TRPM7: variants seen among roughly 807,000 people sequenced by gnomAD.
The protein encoded by TRPM7 is transient receptor potential cation channel subfamily M member 7, also known as LTRPC ion channel family member 7.
A neutral mutation model predicts 229.7 loss-of-function variants in TRPM7; 134 were observed. The ratio of observed to expected loss-of-function variants is 0.58; its 90% confidence interval spans 0.51 to 0.67. TRPM7 has a LOEUF of 0.67. Ranked by LOEUF, TRPM7 falls within the 30% of genes least tolerant of loss-of-function variation. The pLI is 0.00. For synonymous variants in TRPM7, 699 were observed against 715.2 expected (o/e 0.98, Z 0.36); for missense variants, 1,901 against 2,210.0 (o/e 0.86, Z 2.80).
chr15:50,573,379 T>C (rs771437275), intron 36 of TRPM7, among the ~76,000 whole-genome samples: 30 of 152,318 alleles, frequency 2.0e-4, no homozygotes, highest in African/African-American at 3.1e-4. Flanking sequence ...TAGCTAGCCA[T>C]GTAGACAGAG....
At chr15:50,628,777 A>C (rs1194336543) in intron 10 of TRPM7, among the ~76,000 whole-genome samples, 1 of 152,250 alleles carries the variant, frequency 6.6e-6, no homozygotes, top group Non-Finnish European at 1.5e-5. Flanking sequence ...AGAAATGCAG[A>C]AAAATGAGAA....
chr15:50,648,351 TTAAA>T (rs1294535435), intron 4 of TRPM7, among the ~76,000 whole-genome samples: 1 of 151,854 alleles, frequency 6.6e-6, no homozygotes, highest in Non-Finnish European at 1.5e-5. Flanking sequence ...AAATTTAAAC[TTAAA>T]TACACAGCAG....
intron 1 of TRPM7, among the ~76,000 whole-genome samples, chr15:50,668,446 C>A (rs887474603): frequency 2.6e-5 from 4 of 152,124 alleles, no homozygotes; most frequent in African/African-American, 9.7e-5. Context: ...TTTCTCTCTA[C>A]CCCATTTCTC....
chr15:50,643,161 G>A (rs1167898282), intron 5 of TRPM7, among the ~76,000 whole-genome samples, 179 bp downstream of exon 5: 1 of 151,976 alleles, frequency 6.6e-6, no homozygotes, highest in Non-Finnish European at 1.5e-5. Context: ...TGGTGGCGCA[G>A]GCCTGTAATC....
At chr15:50,598,908 G>C (rs2059701516) in intron 22 of TRPM7, among the ~76,000 whole-genome samples, 1 of 152,112 alleles carries the variant, frequency 6.6e-6, no homozygotes, top group Non-Finnish European at 1.5e-5. Context: ...GGACAGTTTA[G>C]ACTAGACTTC....
Position 50,631,487 on chromosome 15 carries a change from G to A in TRPM7, c.1134C>T (p.Ile378=). 6.3e-7 allele frequency: 1 copy of A among 1,589,618 alleles called. No homozygotes were observed. Among genetic ancestry groups the A allele is most frequent in the South Asian group, 1.1e-5 (1 of 90,220 alleles). The stretch of plus-strand genomic sequence containing the variant: ...CATCTGACCCAATATGGAAAACAGT[G>A]ATCTATTTAAAGATAAATTTATAAC... ...LMECMKRKEL[I]TVFHIGSDEH... The change falls in exon 10 of 39, where the codon ATC becomes ATT. Residue 378 remains isoleucine, a splice_region_variant and synonymous_variant. Coordinates refer to ENST00000646667, the MANE Select transcript of TRPM7 (RefSeq NM_017672.6).
At chr15:50,605,228 T>A in intron 20 of TRPM7, 84 bp from the exon 21 acceptor site, 1 of 1,138,024 alleles carries the variant, frequency 8.8e-7, no homozygotes, top group Admixed American at 2.4e-5. Context: ...AACATTACAG[T>A]AGAATTTCAC....
intron 22 of TRPM7, among the ~76,000 whole-genome samples, 175 bp downstream of exon 22, chr15:50,598,947 A>G (rs777829892): frequency 1.6e-4 from 25 of 152,160 alleles, no homozygotes; most frequent in Non-Finnish European, 3.1e-4. Flanking sequence ...AAATTCTAAA[A>G]TATTTTTTCT....
At chr15:50,652,161 T>A (rs1037002479) in intron 3 of TRPM7, among the ~76,000 whole-genome samples, 1 of 150,784 alleles carries the variant, frequency 6.6e-6, no homozygotes, top group Non-Finnish European at 1.5e-5. Context: ...GGTGAAATCC[T>A]GTCTCTACTA....
In TRPM7 at chr15:50,679,511, AATATAT is replaced by A. The variant is rs138501624; in HGVS notation, c.3+7014_3+7019del. Among the ~76,000 whole-genome samples the A allele has an allele frequency of 7.5e-3, 565 of 75,180 alleles. 9 individuals are homozygous for A. The highest frequency in any genetic ancestry group is 0.012 in the African/African-American group (167 of 14,104). The allele number at this position is 75,180 out of a possible 152,430, so 49.3% of individuals were successfully genotyped here. On this transcript the variant is annotated intron_variant, in intron 1 of 38. Transcript: ENST00000646667. ...ATATTATATATATGTGTATATATAT[AATATAT>A]ATATATATATATATATATATATTTT... is the stretch of plus-strand genomic sequence containing the variant.
chr15:50,577,738 T>C (rs1030625865), intron 31 of TRPM7, among the ~76,000 whole-genome samples: 1 of 152,148 alleles, frequency 6.6e-6, no homozygotes, highest in South Asian at 2.1e-4. Context: ...TAAATACATA[T>C]GTTTATCAAA....
intron 6 of TRPM7, among the ~76,000 whole-genome samples, chr15:50,638,674 TTGTA>T (rs11283855): frequency 6.6e-5 from 10 of 150,620 alleles, no homozygotes; most frequent in African/African-American, 1.7e-4. Flanking sequence ...AATTCAGTAA[TTGTA>T]TGTATGTATG....
chr15:50,647,103 C>T (rs2061290748), intron 4 of TRPM7, among the ~76,000 whole-genome samples: 1 of 152,136 alleles, frequency 6.6e-6, no homozygotes, highest in African/African-American at 2.4e-5. Flanking sequence ...GTTAAAAATG[C>T]ATTTTATCAC....
rs756946949 is a variant in TRPM7 at position 50,575,053 on chromosome 15, G to A, written c.4818C>T (p.Gly1606=). The change falls in exon 34 of 39, where the codon GGC becomes GGT. Residue 1606 remains glycine, a synonymous_variant. Transcript: ENST00000646667. ...TTAAAAACTCTATTTTGGCACAGAG[G>A]CCTAGTTGTGACCAAGAAGACATGC... The part of the protein sequence containing the change: ...NNSMSSWSQL[G]LCAKIEFLSK... 5 of 1,613,902 alleles carry A rather than the reference G, an allele frequency of 3.1e-6. No homozygotes were observed. In the African/African-American group the frequency reaches 4.0e-5, roughly 13 times the overall value.
chr15:50,642,391 G>A (rs1223733352), intron 5 of TRPM7, among the ~76,000 whole-genome samples: 1 of 152,162 alleles, frequency 6.6e-6, no homozygotes, highest in Non-Finnish European at 1.5e-5. Flanking sequence ...AACTGATATG[G>A]TTAAGCTTTG....
chr15:50,599,515 C>T, intron 21 of TRPM7: 1 of 387,766 alleles, frequency 2.6e-6, no homozygotes, highest in Non-Finnish European at 4.6e-6. Context: ...TTAAGCTAAG[C>T]AAGTCATGGG....
At chr15:50,635,850 G>A (rs900523498) in intron 7 of TRPM7, among the ~76,000 whole-genome samples, 1 of 151,354 alleles carries the variant, frequency 6.6e-6, no homozygotes, top group Non-Finnish European at 1.5e-5. Context: ...GTGGTGGCGA[G>A]TGCCTGTAAT....
At chr15:50,676,292 G>A (rs571872779) in intron 1 of TRPM7, among the ~76,000 whole-genome samples, 21 of 152,230 alleles carry the variant, frequency 1.4e-4, no homozygotes, top group African/African-American at 4.8e-4. Flanking sequence ...AAGGTAACAT[G>A]TGGAAATCAA....
intron 10 of TRPM7, among the ~76,000 whole-genome samples, chr15:50,628,979 T>C (rs2060647121): frequency 6.6e-6 from 1 of 152,236 alleles, no homozygotes; most frequent in African/African-American, 2.4e-5. Flanking sequence ...TTGGTTCTTC[T>C]TAAAATTATA....
Sources: gnomAD v4.1 joint callset for allele counts (sites outside exome capture counted in the v4.1 genomes callset) on GRCh38, gnomAD v4.1.1 for gene constraint, MANE v1.5 for transcripts, NCBI Gene and HGNC (gene_info 2026-07-23, HGNC 2026-07-21) for gene names.